Variants in LDHB observed in about 807,000 individuals in gnomAD.
LDHB encodes lactate dehydrogenase B, also known as L-lactate dehydrogenase B chain.
A neutral mutation model predicts 33.4 loss-of-function variants in LDHB; 18 were observed. That is an observed-to-expected ratio of 0.54 (90% CI 0.37 to 0.80). The LOEUF is 0.80. LDHB is among the 30% of genes least tolerant of loss of function. The pLI, the probability that LDHB is intolerant of heterozygous loss-of-function variation, is 0.00. For missense variants in LDHB, 345 were observed against 407.9 expected (o/e 0.85, Z 1.33); for synonymous variants, 121 against 140.6 (o/e 0.86, Z 0.98).
At chr12:21,645,887 C>T (rs866854186) in intron 3 of LDHB, among the ~76,000 whole-genome samples, 3 of 152,142 alleles carry the variant, frequency 2.0e-5, no homozygotes, top group African/African-American at 7.2e-5. Context: ...TCGTTCCACC[C>T]GACGAGAAAT....
At chr12:21,640,962 A>G (rs1049583077) in intron 5 of LDHB, among the ~76,000 whole-genome samples, 3 of 152,148 alleles carry the variant, frequency 2.0e-5, no homozygotes, top group African/African-American at 7.2e-5. Flanking sequence ...CAACAAATAA[A>G]TAAAGAGGGA....
intron 5 of LDHB, 103 bp downstream of exon 5, chr12:21,641,849 T>C (rs1591828809): frequency 9.9e-7 from 1 of 1,012,008 alleles, no homozygotes; most frequent in Non-Finnish European, 1.5e-6. Flanking sequence ...GCAACTGTTC[T>C]TAAGTACATC....
intron 5 of LDHB, among the ~76,000 whole-genome samples, 156 bp downstream of exon 5, chr12:21,641,796 A>T (rs1203450824): frequency 2.6e-5 from 4 of 152,184 alleles, no homozygotes; most frequent in Non-Finnish European, 5.9e-5. Flanking sequence ...AGAGTAAATG[A>T]TAAAGCAAAA....
At chr12:21,637,584 T>C (rs1432407866) in intron 6 of LDHB, among the ~76,000 whole-genome samples, 1 of 151,920 alleles carries the variant, frequency 6.6e-6, no homozygotes, top group Non-Finnish European at 1.5e-5. Flanking sequence ...CTTGCCACTG[T>C]CACCTAACAT....
intron 3 of LDHB, 72 bp from the exon 4 acceptor site, chr12:21,644,180 T>C (rs1429363464): frequency 2.7e-6 from 3 of 1,103,518 alleles, no homozygotes; most frequent in Non-Finnish European, 4.1e-6. Context: ...TATGACATGC[T>C]CTAAAAGCCT....
chr12:21,643,535 T>G (rs1202583084), intron 4 of LDHB: 1 of 179,914 alleles, frequency 5.6e-6, no homozygotes, highest in Admixed American at 5.6e-5. Context: ...CTTTTCAAAG[T>G]TGATCTGTTT....
intron 4 of LDHB, chr12:21,643,606 AC>A: frequency 3.7e-6 from 1 of 270,416 alleles, no homozygotes; most frequent in South Asian, 6.6e-5. Context: ...AATGTTTCTT[AC>A]AAATTGAAAC....
In LDHB at chr12:21,641,987, T is replaced by C. The variant is rs143676408; in HGVS notation, c.560A>G (p.His187Arg). Residue 187 changes from histidine to arginine, a missense_variant, in exon 5 of 8, where the codon CAT (histidine) becomes CGT (arginine). Coordinates refer to ENST00000350669, the MANE Select transcript of LDHB (RefSeq NM_002300.8). ...EKLGIHPSSC[H>R]GWILGEHGDS... The stretch of plus-strand genomic sequence containing the variant: ...GCCATGTTCCCCCAAAATCCATCCA[T>C]GGCAGCTGCTGGGATGAATGCCAAG... 2.5e-6 allele frequency: 4 copies of C among 1,613,436 alleles called. No individual in the cohort carries two copies. In the African/African-American group the frequency reaches 4.0e-5, roughly 16 times the overall value.
chr12:21,654,827 G>A lies in LDHB; in HGVS notation c.-6-150C>T, dbSNP rs573673395. On this transcript the variant is annotated intron_variant, in intron 1 of 7. Coordinates refer to ENST00000350669, the MANE Select transcript of LDHB (RefSeq NM_002300.8). ...TCTAGAAAGCAGAATATATTTTAAA[G>A]AACCATGAGACCCGGCTGGGCATGG... 8.3e-4 allele frequency: 607 copies of A among 729,558 alleles called. 1 individual carries two copies. The highest frequency in any genetic ancestry group is 1.4e-3 in the Admixed American group (65 of 47,992). 45.2% of individuals were successfully genotyped at this position (729,558 alleles called of 1,614,324 possible). A position where few individuals can be genotyped will look rare whatever the true frequency, so the allele number is the denominator to read the frequency against.
chr12:21,648,373 C>T (rs568757514), intron 2 of LDHB, among the ~76,000 whole-genome samples: 1 of 152,118 alleles, frequency 6.6e-6, no homozygotes, highest in East Asian at 1.9e-4. Context: ...ATGCAAAAGA[C>T]TCTCCATATA....
Position 21,657,762 on chromosome 12 carries a change from A to T in LDHB, c.-18T>A, listed in dbSNP as rs2136989472. On this transcript the variant is annotated 5_prime_UTR_variant, in exon 1 of 8. Coordinates refer to ENST00000350669, the MANE Select transcript of LDHB (RefSeq NM_002300.8). ...GAGCCGAAACCTACCAGGAGAGAGAAGGCTCTGGAGACCTCTGTAACAGTC... is the reference window on the plus strand; with the variant it reads ...GAGCCGAAACCTACCAGGAGAGAGATGGCTCTGGAGACCTCTGTAACAGTC... 1 of 152,438 alleles carries T rather than the reference A, an allele frequency of 6.6e-6. No homozygotes were observed. The highest frequency in any genetic ancestry group is 6.5e-5 in the Admixed American group (1 of 15,314). The allele number at this position is 152,438 out of a possible 1,614,324, so 9.4% of individuals were successfully genotyped here.
At chr12:21,638,204 G>C (rs1315267374) in intron 6 of LDHB, 149 bp downstream of exon 6, 3 of 628,920 alleles carry the variant, frequency 4.8e-6, no homozygotes, top group Non-Finnish European at 5.7e-6. Context: ...AGTTTGACCA[G>C]TGTAAAAGTC....
intron 2 of LDHB, among the ~76,000 whole-genome samples, chr12:21,647,490 T>C (rs1214761643): frequency 1.3e-5 from 2 of 152,000 alleles, no homozygotes; most frequent in Non-Finnish European, 1.5e-5. Context: ...AATGTCTTGG[T>C]GGGGAAAGGA....
At chr12:21,651,211 T>C (rs1938680088) in intron 2 of LDHB, among the ~76,000 whole-genome samples, 1 of 152,240 alleles carries the variant, frequency 6.6e-6, no homozygotes, top group African/African-American at 2.4e-5. Context: ...CCTGCAGTTG[T>C]GTGCTCCATT....
chr12:21,653,811 A>G (rs989245175), intron 2 of LDHB, among the ~76,000 whole-genome samples: 3 of 152,206 alleles, frequency 2.0e-5, no homozygotes, highest in South Asian at 4.1e-4. Flanking sequence ...ACCATTAGGT[A>G]AAAGTTTCAG....
intron 2 of LDHB, among the ~76,000 whole-genome samples, chr12:21,647,241 C>T (rs181826582): frequency 5.8e-4 from 88 of 152,274 alleles, no homozygotes; most frequent in Middle Eastern, 3.4e-3. Flanking sequence ...CAGCTTAGTT[C>T]AAGAGTAGGC....
intron 5 of LDHB, among the ~76,000 whole-genome samples, chr12:21,638,773 G>GATTCT (rs1308969734): frequency 1.3e-5 from 2 of 151,950 alleles, no homozygotes; most frequent in East Asian, 3.9e-4. Flanking sequence ...AAATCACAGG[G>GATTCT]ATTCTAGTTG....
Position 21,654,627 on chromosome 12 carries a change from T to C in LDHB, c.45A>G (p.Glu15=), listed in dbSNP as rs999278999. 1.9e-6 allele frequency: 3 copies of C among 1,614,004 alleles called. No homozygotes were observed. Among genetic ancestry groups the C allele is most frequent in the Non-Finnish European group, 2.5e-6 (3 of 1,179,850 alleles). ...TCTTATTGTTTGGAACTGTTGCCTC[T>C]TCTTCCGCAACTGGTGCAATGAGTT... The part of the protein sequence containing the change: ...KEKLIAPVAE[E]EATVPNNKIT... The change falls in exon 2 of 8, where the codon GAA becomes GAG. Residue 15 remains glutamate (E), a synonymous_variant. Transcript: ENST00000350669.
In LDHB at chr12:21,635,461, A is replaced by T. The variant is rs1396775716; in HGVS notation, c.*81T>A. ...TTGAAGAAGATCAAAGCAAACTGTG[A>T]TCCATGTACATGGATGAAAACTAAA... is the stretch of plus-strand genomic sequence containing the variant. On this transcript the variant is annotated 3_prime_UTR_variant, in exon 8 of 8. Transcript: ENST00000350669. 2.6e-6 allele frequency: 3 copies of T among 1,150,052 alleles called. No individual in the cohort carries two copies. Among genetic ancestry groups the T allele is most frequent in the Non-Finnish European group, 3.9e-6 (3 of 760,126 alleles). 71.2% of individuals were successfully genotyped at this position (1,150,052 alleles called of 1,614,324 possible). A position where few individuals can be genotyped will look rare whatever the true frequency, so the allele number is the denominator to read the frequency against.
Sources: gnomAD v4.1 joint callset for allele counts (sites outside exome capture counted in the v4.1 genomes callset) on GRCh38, gnomAD v4.1.1 for gene constraint, MANE v1.5 for transcripts, NCBI Gene and HGNC (gene_info 2026-07-23, HGNC 2026-07-21) for gene names.